Variants in ULK4 observed in about 807,000 individuals in gnomAD.
The protein encoded by ULK4 is unc-51 like kinase 4, also known as inactive serine/threonine-protein kinase ULK4.
ULK4 carries 133 observed loss-of-function variants against 160.6 expected under a neutral mutation model. That is an observed-to-expected ratio of 0.83 (90% CI 0.72 to 0.96). ULK4 has a LOEUF of 0.96. Ranked by LOEUF, ULK4 falls within the 40% of genes least tolerant of loss-of-function variation. ULK4 has a pLI of 0.00. For missense variants in ULK4, 1,580 were observed against 1,499.5 expected, an observed-to-expected ratio of 1.05 and a Z score of -0.89; for synonymous variants, 534 against 539.8, an observed-to-expected ratio of 0.99 and a Z score of 0.15.
rs564038232 is a variant in ULK4 at position 41,447,059 on chromosome 3, G to A, written c.3492+8438C>T. Reference sequence around the variant, plus strand: ...AGATGGCACCACTGCACTCCAGCCCGGGTGACAGAGCGAGACTCTGTCTCA... The same window carrying A: ...AGATGGCACCACTGCACTCCAGCCCAGGTGACAGAGCGAGACTCTGTCTCA... On this transcript the variant is annotated intron_variant, in intron 34 of 36. Transcript: ENST00000301831. Among the ~76,000 whole-genome samples the A allele has an allele frequency of 2.9e-4, 39 of 132,524 alleles. No individual in the cohort carries two copies. In the South Asian group the frequency reaches 3.6e-3, roughly 12 times the overall value. The allele number at this position is 132,524 out of a possible 152,430, so 86.9% of individuals were successfully genotyped here.
intron 35 of ULK4, among the ~76,000 whole-genome samples, chr3:41,385,615 T>C (rs554674288): frequency 6.6e-6 from 1 of 152,320 alleles, no homozygotes; most frequent in East Asian, 1.9e-4. Flanking sequence ...AAAAAAAGTT[T>C]CACAAAGCAA....
intron 35 of ULK4, among the ~76,000 whole-genome samples, chr3:41,277,161 T>C (rs1417419400): frequency 1.3e-5 from 2 of 152,190 alleles, no homozygotes; most frequent in Non-Finnish European, 2.9e-5. Flanking sequence ...AGCAGACTTC[T>C]ATCAGACATT....
intron 34 of ULK4, among the ~76,000 whole-genome samples, chr3:41,443,378 T>C (rs960829411): frequency 3.9e-5 from 6 of 152,220 alleles, no homozygotes; most frequent in Non-Finnish European, 7.3e-5. Context: ...GACTTATCAC[T>C]AGGGGACAAA....
chr3:41,624,605 T>A (rs773464183), intron 30 of ULK4, among the ~76,000 whole-genome samples: 17 of 152,054 alleles, frequency 1.1e-4, no homozygotes, highest in Admixed American at 1.3e-4. Flanking sequence ...CCATAACAAT[T>A]TTTGTTCTTT....
rs558482260 is a variant in ULK4 at position 41,826,402 on chromosome 3, T to A, written c.1765-6896A>T. On this transcript the variant is annotated intron_variant, in intron 18 of 36. Coordinates refer to ENST00000301831, the MANE Select transcript of ULK4 (RefSeq NM_017886.4). ...AGTCAAGACCCATCAGGGTGCTGTA[T>A]TCAGGAAACCCATCTCATGTGCAGA... Among the ~76,000 whole-genome samples, 7 of 152,170 alleles carry A rather than the reference T, an allele frequency of 4.6e-5. 1 individual carries two copies. The highest frequency in any genetic ancestry group is 1.4e-4 in the African/African-American group (6 of 41,514).
chr3:41,473,434 G>C (rs1022277527), intron 32 of ULK4, among the ~76,000 whole-genome samples: 26 of 152,188 alleles, frequency 1.7e-4, no homozygotes, highest in African/African-American at 6.0e-4. Flanking sequence ...GGCCAAGGCA[G>C]GAGGATCACT....
At chr3:41,811,536 T>C (rs758208633) in intron 19 of ULK4, among the ~76,000 whole-genome samples, 1 of 152,232 alleles carries the variant, frequency 6.6e-6, no homozygotes, top group Non-Finnish European at 1.5e-5. Flanking sequence ...GAAAACAGTA[T>C]GGAAATTTTA....
intron 35 of ULK4, among the ~76,000 whole-genome samples, chr3:41,378,110 A>G (rs2081551391): frequency 2.0e-5 from 3 of 151,420 alleles, no homozygotes; most frequent in Admixed American, 2.0e-4. Flanking sequence ...CATTGTCAGT[A>G]AACTATTGCA....
intron 35 of ULK4, among the ~76,000 whole-genome samples, chr3:41,293,423 C>G (rs749978612): frequency 6.6e-6 from 1 of 152,054 alleles, no homozygotes; most frequent in East Asian, 1.9e-4. Flanking sequence ...ACTCCGTAAC[C>G]CAGTGCTGGG....
At chr3:41,399,995 A>C (rs2082145717) in intron 34 of ULK4, among the ~76,000 whole-genome samples, 1 of 152,164 alleles carries the variant, frequency 6.6e-6, no homozygotes. Context: ...TATATGGTGT[A>C]AGTAGAGATC....
rs6771559 is a variant in ULK4, at chr3:41,727,106, T to C, written c.2322-9245A>G. Among the ~76,000 whole-genome samples the C allele has an allele frequency of 4.6e-3, 702 of 152,004 alleles. 3 individuals carry two copies. The highest frequency in any genetic ancestry group is 0.011 in the African/African-American group (463 of 41,536). ...CATCACCACAGGAATCCTATGCGCA[T>C]TGCACACACATCCACCTTTACGTAA... On this transcript the variant is annotated intron_variant, in intron 22 of 36. Transcript: ENST00000301831.
chr3:41,498,862 TG>T (rs1258776445), intron 32 of ULK4, among the ~76,000 whole-genome samples: 3 of 152,180 alleles, frequency 2.0e-5, no homozygotes, highest in African/African-American at 4.8e-5. Flanking sequence ...CCCAAAGTGC[TG>T]GGATTACAGG....
intron 13 of ULK4, among the ~76,000 whole-genome samples, chr3:41,900,291 TGCCCA>T (rs1698306438): frequency 6.6e-6 from 1 of 151,946 alleles, no homozygotes; most frequent in Non-Finnish European, 1.5e-5. Context: ...GTGATCTGCC[TGCCCA>T]GCCCAGCCTG....
intron 17 of ULK4, among the ~76,000 whole-genome samples, chr3:41,871,847 T>G (rs1697105935): frequency 6.6e-6 from 1 of 152,208 alleles, no homozygotes; most frequent in African/African-American, 2.4e-5. Flanking sequence ...GAAGTCCAAT[T>G]TATTAACTTT....
At chr3:41,426,812 C>T (rs2082786333) in intron 34 of ULK4, among the ~76,000 whole-genome samples, 1 of 151,886 alleles carries the variant, frequency 6.6e-6, no homozygotes. Context: ...CGTCAAAAAA[C>T]TAGAAAAATC....
At chr3:41,783,615 C>G (rs2039918152) in intron 21 of ULK4, among the ~76,000 whole-genome samples, 1 of 151,976 alleles carries the variant, frequency 6.6e-6, no homozygotes, top group Non-Finnish European at 1.5e-5. Flanking sequence ...TTCATGCAAT[C>G]CTCTAGCCAC....
chr3:41,826,033 C>T (rs980982818), intron 18 of ULK4, among the ~76,000 whole-genome samples: 1 of 152,148 alleles, frequency 6.6e-6, no homozygotes, highest in Admixed American at 6.6e-5. Context: ...GAATTTTCAA[C>T]CCAGAATTTC....
intron 22 of ULK4, among the ~76,000 whole-genome samples, chr3:41,722,606 G>A (rs1193883314): frequency 6.6e-6 from 1 of 151,780 alleles, no homozygotes; most frequent in African/African-American, 2.4e-5. Flanking sequence ...ACTCCAGCCT[G>A]GGCAATAAGA....
At chr3:41,693,496 A>T (rs1163012473) in intron 27 of ULK4, among the ~76,000 whole-genome samples, 1 of 152,240 alleles carries the variant, frequency 6.6e-6, no homozygotes, top group Non-Finnish European at 1.5e-5. Context: ...AAAATCTCTA[A>T]GAACTGATAT....
Sources: allele counts gnomAD v4.1 joint callset (sites outside exome capture counted in the v4.1 genomes callset), GRCh38; gene constraint gnomAD v4.1.1; transcripts MANE v1.5; gene names NCBI Gene and HGNC (gene_info 2026-07-23, HGNC 2026-07-21).